Variants in TCEANC2 observed in about 807,000 individuals in gnomAD.
TCEANC2 encodes the protein transcription elongation factor A N-terminal and central domain-containing protein 2.
A neutral mutation model predicts 22.8 loss-of-function variants in TCEANC2; 20 were observed. The observed-to-expected ratio is 0.88, with a 90% CI of 0.62 to 1.28. The LOEUF (loss-of-function observed/expected upper bound fraction) is 1.28, where lower values mean the gene tolerates loss of function less well. Ranked by LOEUF, TCEANC2 falls within the 50% of genes most tolerant of loss-of-function variation. The pLI, the probability that TCEANC2 is intolerant of heterozygous loss-of-function variation, is 0.00. For missense variants in TCEANC2, 251 were observed against 249.7 expected (o/e 1.01, Z -0.03); for synonymous variants, 84 against 95.5 (o/e 0.88, Z 0.70).
chr1:54,058,890 C>A (rs1263662485), intron 2 of TCEANC2, among the ~76,000 whole-genome samples: 1 of 152,134 alleles, frequency 6.6e-6, no homozygotes, highest in Admixed American at 6.5e-5. Flanking sequence ...CTCCTGACCT[C>A]GTGATCCTCC....
Position 54,096,370 on chromosome 1 carries a change from T to TG in TCEANC2, c.525dup (p.Arg176GlufsTer12), listed in dbSNP as rs1658552489. On this transcript the variant is annotated frameshift_variant, in exon 5 of 5. Coordinates refer to ENST00000234827, the MANE Select transcript of TCEANC2 (RefSeq NM_153035.3). LOFTEE classifies it high-confidence loss of function. The surrounding 1 kb of genome is among the most constrained non-coding windows in gnomAD (Gnocchi z 4.9). ...ATTAATGGGCCGTACCGGCGGACGG[T>TG]GAGAGCCCTGGTCTTCACATTAAAG... is the stretch of plus-strand genomic sequence containing the variant. The TG allele has an allele frequency of 6.2e-7, 1 of 1,613,322 alleles. No homozygotes were observed. The highest frequency in any genetic ancestry group is 2.2e-5 in the East Asian group (1 of 44,854).
intron 1 of TCEANC2, 153 bp from the exon 2 acceptor site, chr1:54,054,228 T>G: frequency 6.9e-7 from 1 of 1,439,798 alleles, no homozygotes; most frequent in Non-Finnish European, 9.1e-7. Context: ...CGGAAGATCT[T>G]TCTTTTAAAG....
intron 3 of TCEANC2, among the ~76,000 whole-genome samples, chr1:54,080,680 C>A (rs1179951845): frequency 6.6e-6 from 1 of 152,220 alleles, no homozygotes; most frequent in Non-Finnish European, 1.5e-5. Flanking sequence ...TCTTGTCTTG[C>A]TCAACATTCT....
chr1:54,080,596 C>T (rs1658221690), intron 3 of TCEANC2, among the ~76,000 whole-genome samples: 1 of 152,170 alleles, frequency 6.6e-6, no homozygotes, highest in Non-Finnish European at 1.5e-5. Context: ...TTTTTGTGTG[C>T]ATTTGTTTGT....
At chr1:54,110,654 C>T (rs999542566), downstream of TCEANC2, among the ~76,000 whole-genome samples, 1 of 152,110 alleles carries the variant, frequency 6.6e-6, no homozygotes, top group Admixed American at 6.6e-5. Flanking sequence ...CTTCCAATGT[C>T]TCCGATCACC....
chr1:54,095,657 A>G (rs374082398), intron 4 of TCEANC2, among the ~76,000 whole-genome samples: 9 of 152,266 alleles, frequency 5.9e-5, no homozygotes, highest in East Asian at 5.8e-4. Context: ...AATCTCAACC[A>G]TTCTCTCGGA....
At chr1:54,111,948 C>G (rs1402158687) in exon 5 of TCEANC2, 1 of 152,184 alleles carries the variant, frequency 6.6e-6, no homozygotes, top group Non-Finnish European at 1.5e-5. Context: ...TGTTTTGTGG[C>G]TAAGAAGTAT....
At position 54,084,632 on chromosome 1, in the gene TCEANC2, C is replaced by T. The variant is rs368012464; in HGVS notation, c.245-3965C>T. 1.6e-4 allele frequency among the ~76,000 whole-genome samples: 24 copies of T among 152,062 alleles called. No homozygotes were observed. The East Asian group carries it at 2.3e-3, about 15-fold the overall frequency. ...ATCCCAGTACTTTGGGAGGCCAAAG[C>T]GGGTGGACCACCTGAGGTCAGGAGT... On this transcript the variant is annotated intron_variant, in intron 3 of 4. Transcript: ENST00000234827.
chr1:54,058,999 G>A (rs1657802958), intron 2 of TCEANC2, among the ~76,000 whole-genome samples: 1 of 151,954 alleles, frequency 6.6e-6, no homozygotes, highest in African/African-American at 2.4e-5. Context: ...TGCCTTCAGG[G>A]CTTCCTTGAA....
Position 54,054,513 on chromosome 1 carries a change from G to A in TCEANC2, c.91G>A (p.Glu31Lys). Reference sequence around the variant, plus strand: ...AAAGGTTTACAAGCAGGCCACGATTGAATCTCTGAAGGTGAGAGGGGATCT... The same window carrying A: ...AAAGGTTTACAAGCAGGCCACGATTAAATCTCTGAAGGTGAGAGGGGATCT... ...GGKVYKQATI[E>K]SLKRVVVVED... Residue 31 changes from glutamate to lysine, a missense_variant, in exon 2 of 5, where the codon GAA becomes AAA. Transcript: ENST00000234827. 1.2e-6 allele frequency: 2 copies of A among 1,613,010 alleles called. No individual in the cohort carries two copies. Among genetic ancestry groups the A allele is most frequent in the Non-Finnish European group, 1.7e-6 (2 of 1,179,508 alleles).
Position 54,096,561 on chromosome 1 carries a change from G to A in TCEANC2, c.*88G>A. ...AAGACGCTTTTGAGTTTGGGTGATG[G>A]CTGATGCTGGCTGTGCTAGATTTTC... is the stretch of plus-strand genomic sequence containing the variant. On this transcript the variant is annotated 3_prime_UTR_variant, in exon 5 of 5. Coordinates refer to ENST00000234827, the MANE Select transcript of TCEANC2 (RefSeq NM_153035.3). This position sits in a 1 kb window ranked among gnomAD's most constrained non-coding sequence, Gnocchi z 4.9. 6.8e-7 allele frequency: 1 copy of A among 1,479,628 alleles called. No homozygotes were observed. Among genetic ancestry groups the A allele is most frequent in the Non-Finnish European group, 9.0e-7 (1 of 1,109,720 alleles). 91.7% of individuals were successfully genotyped at this position (1,479,628 alleles called of 1,614,324 possible). A position where few individuals can be genotyped will look rare whatever the true frequency, so the allele number is the denominator to read the frequency against.
chr1:54,060,887 G>A (rs1427271759), intron 2 of TCEANC2, among the ~76,000 whole-genome samples: 1 of 151,918 alleles, frequency 6.6e-6, no homozygotes, highest in Non-Finnish European at 1.5e-5. Context: ...GGCAGAGGTT[G>A]CAGTGAGCCG....
Position 54,100,575 on chromosome 1 carries a change from A to C in TCEANC2, c.*4102A>C, listed in dbSNP as rs918066427. ...CACAGAGGAGTTCATGTTTGAACCA[A>C]AGCCAGAAGGATAGGTAGGAGTTCT... On this transcript the variant is annotated 3_prime_UTR_variant, in exon 5 of 5. Transcript: ENST00000234827. 6.6e-6 allele frequency: 1 copy of C among 152,282 alleles called. No individual in the cohort carries two copies. The highest frequency in any genetic ancestry group is 2.4e-5 in the African/African-American group (1 of 41,474). 9.4% of individuals were successfully genotyped at this position (152,282 alleles called of 1,614,324 possible).
rs911154737 is a variant in TCEANC2 at position 54,074,625 on chromosome 1, G to A, written c.244+5728G>A. Among the ~76,000 whole-genome samples the A allele has an allele frequency of 4.6e-5, 7 of 152,298 alleles. No individual in the cohort carries two copies. The South Asian group carries it at 1.0e-3, about 23-fold the overall frequency. The stretch of plus-strand genomic sequence containing the variant: ...AGCAGAAAGAAAACAAAAGAATGCT[G>A]TCATGGAATGCAAAGGAAAGAATGT... On this transcript the variant is annotated intron_variant, in intron 3 of 4. Coordinates refer to ENST00000234827, the MANE Select transcript of TCEANC2 (RefSeq NM_153035.3).
In TCEANC2 at chr1:54,103,348, C is replaced by A; in HGVS notation, c.*6875C>A. 6.5e-6 allele frequency: 1 copy of A among 153,042 alleles called. No homozygotes were observed. The highest frequency in any genetic ancestry group is 2.0e-4 in the South Asian group (1 of 4,960). 9.5% of individuals were successfully genotyped at this position (153,042 alleles called of 1,614,324 possible). ...GGGGAGGCCTCAGGAAACTTACAAT[C>A]ATGGCAGAAGGCAAGGGGAAGCAGG... On this transcript the variant is annotated 3_prime_UTR_variant, in exon 5 of 5. Transcript: ENST00000234827.
Position 54,068,838 on chromosome 1 carries a change from C to G in TCEANC2, c.185C>G (p.Ala62Gly), listed in dbSNP as rs772759970. 3.7e-6 allele frequency: 6 copies of G among 1,611,228 alleles called. No homozygotes were observed. Among genetic ancestry groups the G allele is most frequent in the Admixed American group, 3.4e-5 (2 of 59,584 alleles). ...CAAACCAAAGAGAATCTTGTTGAAGCCTTACAAGAATTAAAGAAGAAAATA... is the reference window on the plus strand; with the variant it reads ...CAAACCAAAGAGAATCTTGTTGAAGGCTTACAAGAATTAAAGAAGAAAATA... ...PDQTKENLVE[A>G]LQELKKKIPS... Residue 62 changes from alanine (A) to glycine (G), a missense_variant, in exon 3 of 5, where the codon GCC (alanine) becomes GGC (glycine). Coordinates refer to ENST00000234827, the MANE Select transcript of TCEANC2 (RefSeq NM_153035.3).
chr1:54,057,684 A>G (rs554056686), intron 2 of TCEANC2, among the ~76,000 whole-genome samples: 1 of 152,252 alleles, frequency 6.6e-6, no homozygotes, highest in East Asian at 1.9e-4. Flanking sequence ...ATAGAAAAGA[A>G]AATCTACTCA....
chr1:54,093,349 A>G (rs1658483603), intron 4 of TCEANC2, among the ~76,000 whole-genome samples: 1 of 152,198 alleles, frequency 6.6e-6, no homozygotes. Context: ...GTGGGTTTGG[A>G]TTACCCAAAG....
At chr1:54,066,008 G>T (rs558024016) in intron 2 of TCEANC2, among the ~76,000 whole-genome samples, 3 of 150,938 alleles carry the variant, frequency 2.0e-5, no homozygotes, top group Admixed American at 6.6e-5. Flanking sequence ...TTGGGGGAGA[G>T]GGGGGCGGAG....
Sources: allele counts gnomAD v4.1 joint callset (sites outside exome capture counted in the v4.1 genomes callset), GRCh38; gene constraint gnomAD v4.1.1; non-coding constraint Gnocchi (gnomAD v3.1); transcripts MANE v1.5; gene names NCBI Gene and HGNC (gene_info 2026-07-23, HGNC 2026-07-21).